Variants in HP1BP3 observed in about 807,000 individuals in gnomAD.
HP1BP3 encodes heterochromatin protein 1-binding protein 3.
A neutral mutation model predicts 62.5 loss-of-function variants in HP1BP3; 12 were observed. The ratio of observed to expected loss-of-function variants is 0.19; its 90% CI spans 0.12 to 0.31. The LOEUF (loss-of-function observed/expected upper bound fraction) is 0.31. Among genes scored for constraint, HP1BP3 ranks in the 10% least tolerant of loss-of-function variants. The probability of loss-of-function intolerance (pLI) is 1.00; values close to 1 mark genes in which losing one functional copy is unlikely to be tolerated. For missense variants in HP1BP3, 502 were observed against 651.8 expected (o/e 0.77, Z 2.50); for synonymous variants, 260 against 237.8 (o/e 1.09, Z -0.86).
rs1436831859 is a variant in HP1BP3 at position 20,747,594 on chromosome 1, A to G, written c.1203T>C (p.Ser401=). The G allele has an allele frequency of 6.2e-7, 1 of 1,613,892 alleles. No homozygotes were observed. Among genetic ancestry groups the G allele is most frequent in the South Asian group, 1.1e-5 (1 of 91,054 alleles). ...GGAAGGTGCCACTGAACCCTTTCCC[A>G]GAGATCTGTTCCATCCACCCATTCT... is the stretch of plus-strand genomic sequence containing the variant. ...CEKNGWMEQI[S]GKGFSGTFQL... The change falls in exon 11 of 13, where the codon TCT becomes TCC. Residue 401 remains serine, a synonymous_variant. Coordinates refer to ENST00000438032, the MANE Select transcript of HP1BP3 (RefSeq NM_001372052.1).
At chr1:20,767,264 T>C (rs1172149902) in intron 7 of HP1BP3, among the ~76,000 whole-genome samples, 1 of 152,174 alleles carries the variant, frequency 6.6e-6, no homozygotes, top group Non-Finnish European at 1.5e-5. Flanking sequence ...TGCAGCTAGC[T>C]GAGATCATGT....
At chr1:20,783,885 T>C (rs867494552) in intron 1 of HP1BP3, among the ~76,000 whole-genome samples, 2 of 152,224 alleles carry the variant, frequency 1.3e-5, no homozygotes, top group Middle Eastern at 3.4e-3. Context: ...TTTAGAATAG[T>C]TGGGTTAATT....
At chr1:20,755,863 A>G (rs2056074119) in intron 9 of HP1BP3, among the ~76,000 whole-genome samples, 1 of 152,196 alleles carries the variant, frequency 6.6e-6, no homozygotes, top group African/African-American at 2.4e-5. Flanking sequence ...ATTCAAAAAC[A>G]TCATGCCAAA....
At chr1:20,763,483 G>C (rs148136680) in intron 8 of HP1BP3, among the ~76,000 whole-genome samples, 17 of 152,294 alleles carry the variant, frequency 1.1e-4, no homozygotes, top group African/African-American at 4.1e-4. Context: ...CTTCTGGACT[G>C]AAACCTCAGC....
chr1:20,786,015 C>G lies in HP1BP3; in HGVS notation c.-101+1180G>C, dbSNP rs532175072. Among the ~76,000 whole-genome samples, 2 of 152,222 alleles carry G rather than the reference C, an allele frequency of 1.3e-5. 1 individual carries two copies. Among genetic ancestry groups the G allele is most frequent in the South Asian group, 4.1e-4 (2 of 4,832 alleles). On this transcript the variant is annotated intron_variant, in intron 1 of 12. Transcript: ENST00000438032. ...TGGATTCTCACTTTTTAATGCAATG[C>G]AAAGTCAGGAAGCACAATAAACAAC...
chr1:20,750,860 C>G (rs2055699591), intron 9 of HP1BP3, among the ~76,000 whole-genome samples: 1 of 149,368 alleles, frequency 6.7e-6, no homozygotes, highest in South Asian at 2.1e-4. Context: ...CTCTGTTGCC[C>G]AGGCTGGATT....
chr1:20,763,097 C>T (rs1244159948), intron 8 of HP1BP3, among the ~76,000 whole-genome samples: 1 of 152,142 alleles, frequency 6.6e-6, no homozygotes, highest in East Asian at 1.9e-4. Flanking sequence ...TTTCCCTCCT[C>T]TCTTGCTCCC....
rs777997722 is a variant in HP1BP3, at chr1:20,749,855, G to A, written c.1009C>T (p.Leu337Phe). 1.2e-6 allele frequency: 2 copies of A among 1,613,754 alleles called. No individual in the cohort carries two copies. The highest frequency in any genetic ancestry group is 2.2e-5 in the South Asian group (2 of 91,010). ...QLKKSGEKPLLGGSLMEYAIL... is the reference protein window; with the variant it reads ...QLKKSGEKPLFGGSLMEYAIL... The stretch of plus-strand genomic sequence containing the variant: ...GCATATTCCATCAGGCTTCCACCAA[G>A]CAGGGGTTTCTCCCCTGATTTCTTC... Residue 337 changes from leucine (L) to phenylalanine (F), a missense_variant, in exon 10 of 13, where the codon CTT (leucine) becomes TTT (phenylalanine). By Grantham distance (22) the Leu-to-Phe change is conservative. Coordinates refer to ENST00000438032, the MANE Select transcript of HP1BP3 (RefSeq NM_001372052.1).
At chr1:20,787,092 T>G (rs1460620793) in intron 1 of HP1BP3, 103 bp downstream of exon 1, 1 of 151,592 alleles carries the variant, frequency 6.6e-6, no homozygotes, top group Non-Finnish European at 1.5e-5. Flanking sequence ...CCCTCCTCTC[T>G]GGGAGCGGCG....
chr1:20,746,064 T>C (rs1175631656), intron 11 of HP1BP3, among the ~76,000 whole-genome samples: 1 of 152,170 alleles, frequency 6.6e-6, no homozygotes, highest in Non-Finnish European at 1.5e-5. Context: ...CTCAAAGGCC[T>C]AAATCTGTTC....
chr1:20,743,432 G>A lies in HP1BP3; in HGVS notation c.*1365C>T, dbSNP rs1180781684. The A allele has an allele frequency of 6.6e-6, 1 of 152,142 alleles. No individual in the cohort carries two copies. Among genetic ancestry groups the A allele is most frequent in the Non-Finnish European group, 1.5e-5 (1 of 68,044 alleles). The allele number at this position is 152,142 out of a possible 1,614,324, so 9.4% of individuals were successfully genotyped here. On this transcript the variant is annotated 3_prime_UTR_variant, in exon 13 of 13. Transcript: ENST00000438032. Reference sequence around the variant, plus strand: ...TAACCCCAGGATTTTGGGAGGCTGAGGTGAGTGGATCACGAGGTCAGGAGA... The same window carrying A: ...TAACCCCAGGATTTTGGGAGGCTGAAGTGAGTGGATCACGAGGTCAGGAGA...
chr1:20,749,631 T>C, intron 10 of HP1BP3, 92 bp downstream of exon 10: 1 of 1,261,296 alleles, frequency 7.9e-7, no homozygotes, highest in Non-Finnish European at 1.1e-6. Flanking sequence ...AGTGCTGGGA[T>C]TACAGGCGTG....
At chr1:20,747,713 T>A in intron 10 of HP1BP3, 58 bp from the exon 11 acceptor site, 2 of 1,047,814 alleles carry the variant, frequency 1.9e-6, no homozygotes, top group Non-Finnish European at 2.9e-6. Flanking sequence ...GATAATTCCC[T>A]CAACCACAAA....
chr1:20,774,516 T>C (rs964983118), intron 4 of HP1BP3: 2 of 152,136 alleles, frequency 1.3e-5, no homozygotes, highest in Non-Finnish European at 2.9e-5. Context: ...TGTAACAATA[T>C]TTGGTCAACA....
At chr1:20,767,503 C>G (rs2056843260) in intron 7 of HP1BP3, 81 bp downstream of exon 7, 2 of 937,634 alleles carry the variant, frequency 2.1e-6, no homozygotes, top group East Asian at 2.4e-5. Context: ...GCCAGGCACA[C>G]AGCAAACACT....
At chr1:20,765,228 A>C in intron 8 of HP1BP3, 149 bp downstream of exon 8, 1 of 461,068 alleles carries the variant, frequency 2.2e-6, no homozygotes, top group Admixed American at 4.3e-5. Context: ...ATAAAAACAT[A>C]ATGGGGCAAA....
intron 9 of HP1BP3, 89 bp downstream of exon 9, chr1:20,757,077 G>T: frequency 2.8e-6 from 2 of 705,608 alleles, no homozygotes; most frequent in Admixed American, 2.4e-5. Context: ...GTTCTTTGAG[G>T]TCCTCAATAA....
At chr1:20,780,319 A>G (rs1449046387) in intron 2 of HP1BP3, 26 bp downstream of exon 2, 3 of 1,528,772 alleles carry the variant, frequency 2.0e-6, no homozygotes, top group East Asian at 2.2e-5. Flanking sequence ...TCCAAGAGTG[A>G]GCTTCAAGAA....
rs920479011 is a variant in HP1BP3, at chr1:20,757,930, G to T, written c.891-674C>A. Among the ~76,000 whole-genome samples the T allele has an allele frequency of 5.9e-5, 9 of 152,078 alleles. No individual in the cohort carries two copies. The South Asian group carries it at 1.9e-3, about 32-fold the overall frequency. On this transcript the variant is annotated intron_variant, in intron 8 of 12. Coordinates refer to ENST00000438032, the MANE Select transcript of HP1BP3 (RefSeq NM_001372052.1). ...GGAGGCCGAGGCGGGTGGATCACGA[G>T]ATCAGGAGTTCGAGACCAGCCTGGC...
Sources: gnomAD v4.1 joint callset for allele counts (sites outside exome capture counted in the v4.1 genomes callset) on GRCh38, gnomAD v4.1.1 for gene constraint, MANE v1.5 for transcripts, NCBI Gene and HGNC (gene_info 2026-07-23, HGNC 2026-07-21) for gene names.